Variants in SLC22A25 observed in about 807,000 individuals in gnomAD.
SLC22A25 encodes the protein MGI:2442751, MGI:2385316, MGI:3042283, MGI:3645714, MGI:3605624, MGI:2442750.
In SLC22A25, 44 loss-of-function variants were observed where a neutral mutation model predicts 45.9. The ratio of observed to expected loss-of-function variants is 0.96; its 90% CI spans 0.75 to 1.23. The LOEUF (loss-of-function observed/expected upper bound fraction) is 1.23, where lower values mean the gene tolerates loss of function less well. SLC22A25 is among the 50% of genes most tolerant of loss of function. SLC22A25 has a pLI of 0.00. For missense variants in SLC22A25, 800 were observed against 666.4 expected (o/e 1.20, Z -2.21); for synonymous variants, 283 against 238.6 (o/e 1.19, Z -1.72).
At chr11:63,187,230 G>A (rs2088592329) in intron 7 of SLC22A25, among the ~76,000 whole-genome samples, 1 of 152,124 alleles carries the variant, frequency 6.6e-6, no homozygotes, top group Non-Finnish European at 1.5e-5. Flanking sequence ...TTGAGCAGTG[G>A]TTTGTAGTTC....
At chr11:63,221,404 CTGTT>C (rs1306095399) in intron 5 of SLC22A25, among the ~76,000 whole-genome samples, 1 of 152,000 alleles carries the variant, frequency 6.6e-6, no homozygotes, top group Non-Finnish European at 1.5e-5. Flanking sequence ...TTTCATATAC[CTGTT>C]TGTTTTTTGT....
chr11:63,238,139 G>T (rs1182827007), intron 2 of SLC22A25, 127 bp from the exon 3 acceptor site: 4 of 152,166 alleles, frequency 2.6e-5, no homozygotes, highest in Non-Finnish European at 5.9e-5. Context: ...TTCCTCTGTA[G>T]CCTCCCTTTT....
chr11:63,177,877 T>G (rs2088166952), intron 9 of SLC22A25, among the ~76,000 whole-genome samples: 2 of 43,326 alleles, frequency 4.6e-5, no homozygotes, highest in Admixed American at 2.4e-4. Flanking sequence ...ATATATAATG[T>G]ATATATATAA....
intron 7 of SLC22A25, among the ~76,000 whole-genome samples, chr11:63,189,353 G>A (rs997793962): frequency 6.6e-6 from 1 of 152,132 alleles, no homozygotes; most frequent in Non-Finnish European, 1.5e-5. Flanking sequence ...TTTTATCAGA[G>A]ACTAGGATTG....
rs115008306 is a variant in SLC22A25, at chr11:63,200,219, C to G, written c.831-16402G>C. Among the ~76,000 whole-genome samples, 1,217 of 151,198 alleles carry G rather than the reference C, an allele frequency of 8.0e-3. 14 individuals are homozygous for G. Among genetic ancestry groups the G allele is most frequent in the African/African-American group, 0.027 (1,109 of 41,166 alleles). Reference sequence around the variant, plus strand: ...TACAACAAAAATAGAAAACTTGAGGCCAACATCCTTGATGAACATCAGTGC... The same window carrying G: ...TACAACAAAAATAGAAAACTTGAGGGCAACATCCTTGATGAACATCAGTGC... On this transcript the variant is annotated intron_variant, in intron 7 of 11. Coordinates refer to ENST00000306494, the MANE Select transcript of SLC22A25 (RefSeq NM_199352.6).
rs1307870873 is a variant in SLC22A25 at position 63,160,300 on chromosome 11, GGT to G, written c.*3522_*3523del. The stretch of plus-strand genomic sequence containing the variant: ...CTGCTGTGTGCAGCCTTAGTGACTT[GGT>G]GCCCTGTGTCTCAGCCACTCTAGCC... On this transcript the variant is annotated 3_prime_UTR_variant, in exon 12 of 12. Coordinates refer to ENST00000306494, the MANE Select transcript of SLC22A25 (RefSeq NM_199352.6). Among the ~76,000 whole-genome samples the G allele has an allele frequency of 1.3e-5, 2 of 152,160 alleles. No individual in the cohort carries two copies. Among genetic ancestry groups the G allele is most frequent in the African/African-American group, 4.8e-5 (2 of 41,450 alleles).
At chr11:63,200,947 C>A (rs1211606142) in intron 7 of SLC22A25, among the ~76,000 whole-genome samples, 1 of 152,168 alleles carries the variant, frequency 6.6e-6, no homozygotes, top group Middle Eastern at 3.2e-3. Flanking sequence ...ATACAGCTAA[C>A]TAAGGAGGTG....
chr11:63,164,466 T>C, intron 11 of SLC22A25, 60 bp downstream of exon 11: 1 of 1,394,472 alleles, frequency 7.2e-7, no homozygotes, highest in Non-Finnish European at 1.0e-6. Context: ...CCTTGTTAAG[T>C]GTCAATTGGT....
chr11:63,171,066 A>C (rs1199217546), intron 9 of SLC22A25, among the ~76,000 whole-genome samples: 1 of 152,208 alleles, frequency 6.6e-6, no homozygotes, highest in Non-Finnish European at 1.5e-5. Context: ...CAATAGCCAC[A>C]CGATTATCTC....
At position 63,237,996 on chromosome 11, in the gene SLC22A25, C is replaced by T. The variant is rs2090191487; in HGVS notation, c.-560G>A. The T allele has an allele frequency of 6.6e-6, 1 of 152,332 alleles. No individual in the cohort carries two copies. The highest frequency in any genetic ancestry group is 2.4e-5 in the African/African-American group (1 of 41,426). The allele number at this position is 152,332 out of a possible 1,614,324, so 9.4% of individuals were successfully genotyped here. A position where few individuals can be genotyped will look rare whatever the true frequency, so the allele number is the denominator to read the frequency against. The stretch of plus-strand genomic sequence containing the variant: ...AGCCACTAAATTCAGTGACTGAGAT[C>T]CACATACCAGGTCCCACTAGAAGAA... On this transcript the variant is annotated 5_prime_UTR_variant, in exon 3 of 12. It introduces an in-frame stop codon into an upstream open reading frame of the 5' UTR. Transcript: ENST00000306494.
Position 63,217,340 on chromosome 11 carries a change from T to C in SLC22A25, c.804A>G (p.Pro268=). 2 of 1,613,812 alleles carry C rather than the reference T, an allele frequency of 1.2e-6. No homozygotes were observed. Among genetic ancestry groups the C allele is most frequent in the African/African-American group, 2.7e-5 (2 of 75,046 alleles). The part of the protein sequence containing the change: ...QCILQLVMSA[P]CFVFFLFSRW... ...TTGAGAACAGAAAGAAGACAAAGCA[T>C]GGTGCAGACATCACCAACTGGAGGA... is the stretch of plus-strand genomic sequence containing the variant. Residue 268 remains proline, a synonymous_variant, in exon 7 of 12, where the codon CCA becomes CCG. Coordinates refer to ENST00000306494, the MANE Select transcript of SLC22A25 (RefSeq NM_199352.6).
At chr11:63,172,593 T>C (rs897314075) in intron 9 of SLC22A25, among the ~76,000 whole-genome samples, 2 of 150,968 alleles carry the variant, frequency 1.3e-5, no homozygotes, top group African/African-American at 4.9e-5. Context: ...CGAGATACCA[T>C]CTCATGCCAG....
At chr11:63,232,383 C>G (rs952320300) in intron 3 of SLC22A25, among the ~76,000 whole-genome samples, 13 of 152,202 alleles carry the variant, frequency 8.5e-5, no homozygotes, top group Admixed American at 1.3e-4. Context: ...GTATTTTATT[C>G]TCTTTGAAGC....
At chr11:63,212,183 G>A (rs1202335221) in intron 7 of SLC22A25, among the ~76,000 whole-genome samples, 1 of 151,508 alleles carries the variant, frequency 6.6e-6, no homozygotes. Flanking sequence ...TGCTGGAGAG[G>A]ATGTGGAGAA....
intron 6 of SLC22A25, 39 bp from the exon 7 acceptor site, chr11:63,217,521 G>T: frequency 6.2e-7 from 1 of 1,610,932 alleles, no homozygotes; most frequent in South Asian, 1.1e-5. Context: ...TTTAAATACA[G>T]GTGGAGCTTC....
At chr11:63,233,725 GT>G (rs1185656320) in intron 3 of SLC22A25, among the ~76,000 whole-genome samples, 4 of 152,162 alleles carry the variant, frequency 2.6e-5, no homozygotes, top group Non-Finnish European at 5.9e-5. Flanking sequence ...TAATTGTGAT[GT>G]TAGGGTGTCA....
intron 7 of SLC22A25, among the ~76,000 whole-genome samples, chr11:63,212,586 A>G (rs1334274684): frequency 1.4e-5 from 2 of 145,844 alleles, no homozygotes; most frequent in Non-Finnish European, 3.0e-5. Context: ...CAAACACCAC[A>G]TGTTCTCACT....
In SLC22A25 at chr11:63,164,620, G is replaced by A. The variant is rs761767418; in HGVS notation, c.1300C>T (p.Arg434Cys). The change falls in exon 11 of 12, where the codon CGT becomes TGT. Residue 434 changes from arginine to cysteine, a missense_variant. Transcript: ENST00000306494. ...ACACCCAGGGTTGCCAAAACCACAC[G>A]CAGGGTCTGCATTTCTGGAGAAAGG... ...IFVPQEMQTL[R>C]VVLATLGVGA... 6.3e-5 allele frequency: 102 copies of A among 1,613,472 alleles called. 1 individual carries two copies. Among genetic ancestry groups the A allele is most frequent in the Non-Finnish European group, 7.8e-5 (92 of 1,179,656 alleles).
In SLC22A25 at chr11:63,197,626, A is replaced by G. The variant is rs189280285; in HGVS notation, c.831-13809T>C. ...GACCTAAAACCATAAAAACCCTAGA[A>G]GAAGACCTAGGCAGTACCATTCAGG... is the stretch of plus-strand genomic sequence containing the variant. On this transcript the variant is annotated intron_variant, in intron 7 of 11. Coordinates refer to ENST00000306494, the MANE Select transcript of SLC22A25 (RefSeq NM_199352.6). 3.1e-3 allele frequency among the ~76,000 whole-genome samples: 471 copies of G among 152,348 alleles called. 2 individuals carry two copies. Among genetic ancestry groups the G allele is most frequent in the African/African-American group, 0.011 (450 of 41,568 alleles).
Sources: gnomAD v4.1 joint callset for allele counts (sites outside exome capture counted in the v4.1 genomes callset) on GRCh38, gnomAD v4.1.1 for gene constraint, MANE v1.5 for transcripts, NCBI Gene and HGNC (gene_info 2026-07-23, HGNC 2026-07-21) for gene names.